TENT2: variants seen among roughly 807,000 people sequenced by gnomAD.
TENT2 encodes poly(A) RNA polymerase GLD2.
In TENT2, 44 loss-of-function variants were observed where a neutral mutation model predicts 72.2. That is an observed-to-expected ratio of 0.61 (90% CI 0.48 to 0.78). TENT2 has a LOEUF of 0.78. TENT2 is among the 30% of genes least tolerant of loss of function. The probability of loss-of-function intolerance (pLI) is 0.00; values close to 1 mark genes in which losing one functional copy is unlikely to be tolerated. For missense variants in TENT2, 541 were observed against 569.6 expected, an observed-to-expected ratio of 0.95 and a Z score of 0.51; for synonymous variants, 212 against 192.5, an observed-to-expected ratio of 1.10 and a Z score of -0.84.
intron 3 of TENT2, among the ~76,000 whole-genome samples, chr5:79,620,942 G>T (rs570854720): frequency 3.3e-5 from 5 of 151,916 alleles, no homozygotes; most frequent in African/African-American, 4.8e-5. Flanking sequence ...TTTAATCTTT[G>T]ATTAAAAGAA....
intron 12 of TENT2, among the ~76,000 whole-genome samples, chr5:79,678,375 CA>C (rs1460223414): frequency 6.6e-6 from 1 of 151,816 alleles, no homozygotes; most frequent in African/African-American, 2.4e-5. Flanking sequence ...TGGAAGGTCC[CA>C]AGTGATAGTC....
rs1561546934 is a variant in TENT2, at chr5:79,659,553, A to AAT, written c.1071+2553_1071+2554dup. Among the ~76,000 whole-genome samples, 3 of 26,856 alleles carry AAT rather than the reference A, an allele frequency of 1.1e-4. 1 individual carries two copies. The highest frequency in any genetic ancestry group is 1.3e-3 in the Admixed American group (2 of 1,516). The allele number at this position is 26,856 out of a possible 152,430, so 17.6% of individuals were successfully genotyped here. ...TCTCAAAAAAAAAAAAAAAAAAAAA[A>AAT]ATGTATATATATATATATATATATA... On this transcript the variant is annotated intron_variant, in intron 11 of 14. Coordinates refer to ENST00000453514, the MANE Select transcript of TENT2 (RefSeq NM_001114394.3).
At chr5:79,667,984 G>A (rs1229009993) in intron 11 of TENT2, among the ~76,000 whole-genome samples, 1 of 150,690 alleles carries the variant, frequency 6.6e-6, no homozygotes, top group Non-Finnish European at 1.5e-5. Flanking sequence ...TGACGGCAGT[G>A]GAGAAATACA....
chr5:79,624,626 C>T (rs983044143), intron 4 of TENT2, among the ~76,000 whole-genome samples: 1 of 152,178 alleles, frequency 6.6e-6, no homozygotes, highest in Non-Finnish European at 1.5e-5. Context: ...TTTATCCCAT[C>T]CTGGACATTT....
intron 1 of TENT2, among the ~76,000 whole-genome samples, chr5:79,617,157 A>G (rs982154700): frequency 7.3e-5 from 11 of 151,476 alleles, no homozygotes; most frequent in Non-Finnish European, 7.4e-5. Context: ...TAAAGCTTCT[A>G]TAGTTCATTC....
At chr5:79,666,214 C>T (rs2150558525) in intron 11 of TENT2, among the ~76,000 whole-genome samples, 1 of 148,896 alleles carries the variant, frequency 6.7e-6, no homozygotes, top group Middle Eastern at 3.4e-3. Flanking sequence ...GTCTCGAACT[C>T]CTGACCTCGA....
chr5:79,615,564 C>T (rs1759022822), intron 1 of TENT2, among the ~76,000 whole-genome samples: 1 of 152,068 alleles, frequency 6.6e-6, no homozygotes, highest in South Asian at 2.1e-4. Flanking sequence ...TCTCATAAAT[C>T]CTATGAAGTA....
chr5:79,681,150 A>ATTTTTTTTTTTTTTTTTTTTTTTTTTT lies in TENT2; in HGVS notation c.1301-830_1301-804dup, dbSNP rs1158559796. Reference sequence around the variant, plus strand: ...AGTTACTTCTTTTTTCTTTTCTTTGATTTTTTTTTTTTTTTTTTTTTTTTT... The same window carrying ATTTTTTTTTTTTTTTTTTTTTTTTTTT: ...AGTTACTTCTTTTTTCTTTTCTTTGATTTTTTTTTTTTTTTTTTTTTTTTTTTTTTTTTTTTTTTTTTTTTTTTTTTT... On this transcript the variant is annotated intron_variant, in intron 13 of 14. Coordinates refer to ENST00000453514, the MANE Select transcript of TENT2 (RefSeq NM_001114394.3). 5.8e-4 allele frequency among the ~76,000 whole-genome samples: 26 copies of ATTTTTTTTTTTTTTTTTTTTTTTTTTT among 44,756 alleles called. 3 individuals are homozygous for ATTTTTTTTTTTTTTTTTTTTTTTTTTT. The highest frequency in any genetic ancestry group is 1.5e-3 in the East Asian group (2 of 1,326). The allele number at this position is 44,756 out of a possible 152,430, so 29.4% of individuals were successfully genotyped here. A position where few individuals can be genotyped will look rare whatever the true frequency, so the allele number is the denominator to read the frequency against.
chr5:79,684,037 T>C (rs928416398), intron 14 of TENT2, among the ~76,000 whole-genome samples: 4 of 151,406 alleles, frequency 2.6e-5, no homozygotes, highest in African/African-American at 9.7e-5. Context: ...TTAGCAATGC[T>C]ACATTGGTGT....
chr5:79,623,823 G>A (rs995734893), intron 4 of TENT2, among the ~76,000 whole-genome samples: 1 of 151,472 alleles, frequency 6.6e-6, no homozygotes, highest in East Asian at 1.9e-4. Context: ...TACAGTGTTA[G>A]AACACATTTT....
chr5:79,627,250 T>C lies in TENT2; in HGVS notation c.465+3761T>C, dbSNP rs1272348185. On this transcript the variant is annotated intron_variant, in intron 4 of 14. Transcript: ENST00000453514. ...TCTATTTTTACTTGTATTTGTATGT[T>C]GTGATAGTTAACTGTTAGAACTAAC... Among the ~76,000 whole-genome samples the C allele has an allele frequency of 2.0e-5, 3 of 152,230 alleles. No individual in the cohort carries two copies. The South Asian group carries it at 6.2e-4, about 32-fold the overall frequency.
At chr5:79,649,447 CCACTG>C (rs1056831803) in intron 10 of TENT2, among the ~76,000 whole-genome samples, 3 of 149,196 alleles carry the variant, frequency 2.0e-5, no homozygotes, top group African/African-American at 7.5e-5. Flanking sequence ...AGAACTTTCA[CCACTG>C]TATTGTGGAC....
At chr5:79,637,352 C>T (rs1381668408) in intron 4 of TENT2, among the ~76,000 whole-genome samples, 1 of 152,118 alleles carries the variant, frequency 6.6e-6, no homozygotes, top group Admixed American at 6.6e-5. Context: ...CCCATGCTTA[C>T]CTCTTTCGAG....
At chr5:79,681,749 C>CT (rs1822109236) in intron 13 of TENT2, 1 of 371,128 alleles carries the variant, frequency 2.7e-6, no homozygotes, top group Non-Finnish European at 4.9e-6. Flanking sequence ...ATGCTGATGA[C>CT]TTTCATTTTT....
In TENT2 at chr5:79,669,869, C is replaced by G. The variant is rs115120844; in HGVS notation, c.1208+841C>G. Among the ~76,000 whole-genome samples the G allele has an allele frequency of 6.0e-3, 907 of 151,766 alleles. 11 individuals are homozygous for G. Among genetic ancestry groups the G allele is most frequent in the African/African-American group, 0.021 (868 of 41,338 alleles). On this transcript the variant is annotated intron_variant, in intron 12 of 14. Coordinates refer to ENST00000453514, the MANE Select transcript of TENT2 (RefSeq NM_001114394.3). Reference sequence around the variant, plus strand: ...GTTATCTGGTGTGTGGTATATTATGCCCATTTTACCAGTGAAGCATAGAGA... The same window carrying G: ...GTTATCTGGTGTGTGGTATATTATGGCCATTTTACCAGTGAAGCATAGAGA...
At chr5:79,653,837 A>G (rs1260122339) in intron 10 of TENT2, among the ~76,000 whole-genome samples, 1 of 152,148 alleles carries the variant, frequency 6.6e-6, no homozygotes, top group African/African-American at 2.4e-5. Context: ...CTGCCACAAA[A>G]AACTAGTTTT....
At chr5:79,633,541 A>C (rs1427847573) in intron 4 of TENT2, among the ~76,000 whole-genome samples, 1 of 147,518 alleles carries the variant, frequency 6.8e-6, no homozygotes, top group African/African-American at 2.5e-5. Context: ...CCTGGGTTCA[A>C]ACGGTTCTGG....
chr5:79,659,880 A>AT (rs143469067), intron 11 of TENT2, among the ~76,000 whole-genome samples: 30,655 of 151,508 alleles, frequency 0.2, 4,586 homozygotes, highest in African/African-American at 0.42. Flanking sequence ...TCATATACAG[A>AT]TATACCTTTA....
rs182053505 is a variant in TENT2, at chr5:79,616,448, G to A, written c.-37-3164G>A. Among the ~76,000 whole-genome samples the A allele has an allele frequency of 5.8e-3, 874 of 151,886 alleles. 3 individuals are homozygous for A. The highest frequency in any genetic ancestry group is 0.01 in the Non-Finnish European group (680 of 67,960). On this transcript the variant is annotated intron_variant, in intron 1 of 14. Transcript: ENST00000453514. ...GACCTTAGGTGATCCATCTGCTTCG[G>A]CCTCCCAAAGTGCTGGGATTATAGG...
Sources: gnomAD v4.1 joint callset for allele counts (sites outside exome capture counted in the v4.1 genomes callset) on GRCh38, gnomAD v4.1.1 for gene constraint, MANE v1.5 for transcripts, NCBI Gene and HGNC (gene_info 2026-07-23, HGNC 2026-07-21) for gene names.